TSC1: variants seen among roughly 807,000 people sequenced by gnomAD.
The protein encoded by TSC1 is hamartin.
In TSC1, 20 loss-of-function variants were observed where a neutral mutation model predicts 124.3. The ratio of observed to expected loss-of-function variants is 0.16; its 90% CI spans 0.11 to 0.23. The LOEUF (loss-of-function observed/expected upper bound fraction) is 0.23, where lower values mean the gene tolerates loss of function less well. TSC1 is among the 10% of genes least tolerant of loss of function. The probability of loss-of-function intolerance (pLI) is 1.00; values close to 1 mark genes in which losing one functional copy is unlikely to be tolerated. For synonymous variants in TSC1, 493 were observed against 539.1 expected, an observed-to-expected ratio of 0.91 and a Z score of 1.19; for missense variants, 1,124 against 1,448.5, an observed-to-expected ratio of 0.78 and a Z score of 3.64.
At position 132,923,434 on chromosome 9, in the gene TSC1, G is replaced by A. The variant is rs2132190691; in HGVS notation, c.422C>T (p.Pro141Leu). The part of the protein sequence containing the change: ...TGVLVLITML[P>L]MIPQSGKQHL... ...CTGTTTCCCAGACTGTGGAATCATT[G>A]GTAGCATGGTTATCAACACCAAGAC... The change falls in exon 6 of 23, where the codon CCA (proline) becomes CTA (leucine). Residue 141 changes from proline to leucine, a missense_variant. Transcript: ENST00000298552. This position sits in a 1 kb window ranked among gnomAD's most constrained non-coding sequence, Gnocchi z 4.2. The A allele has an allele frequency of 1.2e-6, 2 of 1,614,142 alleles. No individual in the cohort carries two copies. Among genetic ancestry groups the A allele is most frequent in the Non-Finnish European group, 1.7e-6 (2 of 1,180,006 alleles).
At chr9:132,926,963 C>T in intron 4 of TSC1, 2 of 482,864 alleles carry the variant, frequency 4.1e-6, no homozygotes, top group Non-Finnish European at 3.8e-6. Flanking sequence ...TGAGCCACCA[C>T]ACCCGGCCCA....
At chr9:132,918,439 A>AC (rs1201005230) in intron 8 of TSC1, among the ~76,000 whole-genome samples, 1 of 152,062 alleles carries the variant, frequency 6.6e-6, no homozygotes, top group Non-Finnish European at 1.5e-5. Context: ...AGCAGTCACA[A>AC]CCCCTGGGTC....
chr9:132,915,327 T>C (rs1053309902), intron 8 of TSC1, among the ~76,000 whole-genome samples: 5 of 152,034 alleles, frequency 3.3e-5, no homozygotes, highest in African/African-American at 1.2e-4. Flanking sequence ...AAAATAATAA[T>C]GCTTTCAAAC....
chr9:132,893,979 C>T lies in TSC1; in HGVS notation c.*2256G>A, dbSNP rs1564466374. On this transcript the variant is annotated 3_prime_UTR_variant, in exon 23 of 23. Transcript: ENST00000298552. ...TGAAAGCCTACATTTTTAGGTTGGGCACCTTCAACATGACTCCAGGTCTCA... is the reference window on the plus strand; with the variant it reads ...TGAAAGCCTACATTTTTAGGTTGGGTACCTTCAACATGACTCCAGGTCTCA... 1 of 233,314 alleles carries T rather than the reference C, an allele frequency of 4.3e-6. No individual in the cohort carries two copies. The highest frequency in any genetic ancestry group is 8.5e-6 in the Non-Finnish European group (1 of 118,020). The allele number at this position is 233,314 out of a possible 1,614,324, so 14.5% of individuals were successfully genotyped here.
intron 3 of TSC1, 148 bp from the exon 4 acceptor site, chr9:132,927,452 TTAATAA>T (rs1000121122): frequency 2.8e-6 from 2 of 726,172 alleles, no homozygotes; most frequent in African/African-American, 3.5e-5. Flanking sequence ...CCTTCTTAAT[TTAATAA>T]TAAGATATTC....
intron 5 of TSC1, among the ~76,000 whole-genome samples, chr9:132,924,285 G>A (rs1294283892): frequency 6.6e-6 from 1 of 152,256 alleles, no homozygotes; most frequent in East Asian, 1.9e-4. Flanking sequence ...CTACTATGTA[G>A]GTTAAGACAT....
At chr9:132,927,090 G>T (rs1846906902) in intron 4 of TSC1, 111 bp downstream of exon 4, 3 of 1,004,530 alleles carry the variant, frequency 3.0e-6, no homozygotes, top group African/African-American at 3.2e-5. Context: ...GTCATCAGTG[G>T]CGCACAGAAA....
rs1035798266 is a variant in TSC1 at position 132,906,596 on chromosome 9, C to T, written c.1438+135G>A. ...GCATCACTTTACCTGGCATAGGTCCCAGACTAAACCACCCATCTTGTTACC... is the reference window on the plus strand; with the variant it reads ...GCATCACTTTACCTGGCATAGGTCCTAGACTAAACCACCCATCTTGTTACC... On this transcript the variant is annotated intron_variant, in intron 14 of 22. Transcript: ENST00000298552. This position sits in a 1 kb window ranked among gnomAD's most constrained non-coding sequence, Gnocchi z 4.1. 3.4e-4 allele frequency: 263 copies of T among 772,664 alleles called. No homozygotes were observed. The highest frequency in any genetic ancestry group is 9.1e-4 in the Admixed American group (44 of 48,110). The allele number at this position is 772,664 out of a possible 1,614,324, so 47.9% of individuals were successfully genotyped here.
At chr9:132,898,070 C>T (rs1026025702) in intron 20 of TSC1, among the ~76,000 whole-genome samples, 2 of 152,174 alleles carry the variant, frequency 1.3e-5, no homozygotes, top group Admixed American at 1.3e-4. Flanking sequence ...AGTGAAAATA[C>T]GCCACTATCC....
At position 132,906,939 on chromosome 9, in the gene TSC1, G is replaced by T; in HGVS notation, c.1334-104C>A. On this transcript the variant is annotated intron_variant, in intron 13 of 22. Transcript: ENST00000298552. This position sits in a 1 kb window ranked among gnomAD's most constrained non-coding sequence, Gnocchi z 4.1. ...GAATATGTCTGTAATAACTCTTCAT[G>T]CTGAACAGAGAAGGCTGGACATGGC... 1 of 904,536 alleles carries T rather than the reference G, an allele frequency of 1.1e-6. No individual in the cohort carries two copies. 56.0% of individuals were successfully genotyped at this position (904,536 alleles called of 1,614,324 possible).
At chr9:132,911,701 A>T in intron 9 of TSC1, 133 bp from the exon 10 acceptor site, 2 of 629,098 alleles carry the variant, frequency 3.2e-6, no homozygotes, top group South Asian at 4.0e-5. Context: ...CTCTGTACCT[A>T]AAAAATCTGA....
intron 12 of TSC1, among the ~76,000 whole-genome samples, chr9:132,908,604 C>T (rs1280356701): frequency 6.6e-6 from 1 of 151,746 alleles, no homozygotes; most frequent in Non-Finnish European, 1.5e-5. Context: ...TGCACATCAC[C>T]ACACCTGGCT....
At chr9:132,935,158 G>A (rs1847393034) in intron 1 of TSC1, 63 bp from the exon 2 acceptor site, 1 of 398,302 alleles carries the variant, frequency 2.5e-6, no homozygotes, top group African/African-American at 2.1e-5. Context: ...AGCGGGTTAG[G>A]GGTTCATCTG....
chr9:132,915,846 C>T (rs1846249462), intron 8 of TSC1, among the ~76,000 whole-genome samples: 4 of 152,180 alleles, frequency 2.6e-5, no homozygotes, highest in Non-Finnish European at 2.9e-5. Flanking sequence ...GCGAGCCTTT[C>T]GATTTCAGGG....
intron 12 of TSC1, chr9:132,910,208 G>A (rs1053496193): frequency 3.2e-5 from 16 of 495,214 alleles, no homozygotes; most frequent in Non-Finnish European, 5.0e-5. Context: ...GGCTGATGCA[G>A]GAGGATTGCA....
chr9:132,944,192 G>A (rs538729508), intron 1 of TSC1: 1 of 170,576 alleles, frequency 5.9e-6, no homozygotes, highest in Non-Finnish European at 1.2e-5. Context: ...CGCACCTAGC[G>A]TGAACCTGTC....
intron 15 of TSC1, among the ~76,000 whole-genome samples, chr9:132,905,109 T>C (rs1208110766): frequency 6.6e-6 from 1 of 152,202 alleles, no homozygotes; most frequent in Non-Finnish European, 1.5e-5. Flanking sequence ...CTGGAGGGGA[T>C]GTCAGGCCAT....
intron 8 of TSC1, among the ~76,000 whole-genome samples, chr9:132,919,990 A>G (rs1411610379): frequency 2.6e-5 from 4 of 152,310 alleles, no homozygotes; most frequent in Non-Finnish European, 4.4e-5. Context: ...TGTCTGACCT[A>G]TTCCTGAGAG....
At chr9:132,904,377 T>C in intron 16 of TSC1, 34 bp downstream of exon 16, 1 of 1,613,002 alleles carries the variant, frequency 6.2e-7, no homozygotes, top group Non-Finnish European at 8.5e-7. Flanking sequence ...AGGAACCATG[T>C]GGGCTGGATT....
Sources: gnomAD v4.1 joint callset for allele counts (sites outside exome capture counted in the v4.1 genomes callset) on GRCh38, gnomAD v4.1.1 for gene constraint, Gnocchi (gnomAD v3.1) non-coding constraint, MANE v1.5 for transcripts, NCBI Gene and HGNC (gene_info 2026-07-23, HGNC 2026-07-21) for gene names.